The following CSMD1 variants were observed in gnomAD, a reference collection of about 807,000 sequenced individuals.
The protein encoded by CSMD1 is CUB and Sushi multiple domains 1.
Under a neutral mutation model 417.5 loss-of-function variants are expected in CSMD1, and 213 were observed. That is an observed-to-expected ratio of 0.51 (90% confidence interval 0.46 to 0.57). The LOEUF (loss-of-function observed/expected upper bound fraction) is 0.57. CSMD1 is among the 20% of genes least tolerant of loss of function. CSMD1 has a pLI of 0.00. For synonymous variants in CSMD1, 2,862 were observed against 1,736.8 expected, an observed-to-expected ratio of 1.65 and a Z score of -16.11; for missense variants, 6,923 against 4,529.7, an observed-to-expected ratio of 1.53 and a Z score of -15.17.
intron 10 of CSMD1, among the ~76,000 whole-genome samples, chr8:3,566,472 C>G (rs1475819210): frequency 6.6e-6 from 1 of 152,108 alleles, no homozygotes; most frequent in Non-Finnish European, 1.5e-5. Flanking sequence ...CCTGCACCTC[C>G]ACCAGCCCCT....
At chr8:4,138,041 C>A in intron 3 of CSMD1, among the ~76,000 whole-genome samples, 1 of 124,608 alleles carries the variant, frequency 8.0e-6, no homozygotes, top group African/African-American at 3.1e-5. Context: ...CCATGCCCGG[C>A]TAATTTTTTT....
At position 3,510,830 on chromosome 8, in the gene CSMD1, T is replaced by A. The variant is rs181061404; in HGVS notation, c.1345-17104A>T. On this transcript the variant is annotated intron_variant, in intron 10 of 69. Coordinates refer to ENST00000635120, the MANE Select transcript of CSMD1 (RefSeq NM_033225.6). ...TTCTTTTGAGAAGTATCTGTTCATATCCTTCCCCCACTTTTTGATGGGGTT... is the reference window on the plus strand; with the variant it reads ...TTCTTTTGAGAAGTATCTGTTCATAACCTTCCCCCACTTTTTGATGGGGTT... Among the ~76,000 whole-genome samples the A allele has an allele frequency of 3.7e-4, 56 of 152,002 alleles. No individual in the cohort carries two copies. The East Asian group carries it at 9.3e-3, about 25-fold the overall frequency.
intron 2 of CSMD1, among the ~76,000 whole-genome samples, chr8:4,594,506 G>A (rs932293946): frequency 6.6e-6 from 1 of 152,000 alleles, no homozygotes; most frequent in Non-Finnish European, 1.5e-5. Context: ...ACCCTGAAAT[G>A]ATCTGTTTCT....
intron 3 of CSMD1, among the ~76,000 whole-genome samples, chr8:4,284,314 G>C (rs983284015): frequency 2.6e-5 from 4 of 152,022 alleles, no homozygotes; most frequent in African/African-American, 9.7e-5. Flanking sequence ...GTTGCCGTGA[G>C]CCGAGATCCT....
chr8:3,756,123 G>A (rs768104553), intron 5 of CSMD1, among the ~76,000 whole-genome samples: 9 of 151,984 alleles, frequency 5.9e-5, no homozygotes, highest in South Asian at 2.1e-4. Context: ...TTGGGAGGCC[G>A]AGGCAGGTGG....
intron 42 of CSMD1, among the ~76,000 whole-genome samples, chr8:3,115,897 G>C (rs369725499): frequency 6.6e-6 from 1 of 152,122 alleles, no homozygotes; most frequent in African/African-American, 2.4e-5. Context: ...CTGGACCTTT[G>C]AAGATGGTTT....
At chr8:4,209,790 C>T (rs1028552696) in intron 3 of CSMD1, among the ~76,000 whole-genome samples, 14 of 152,088 alleles carry the variant, frequency 9.2e-5, no homozygotes, top group African/African-American at 3.1e-4. Context: ...AGTGGCAGCT[C>T]AGAGGCTGTT....
chr8:3,574,363 C>A (rs538994242), intron 10 of CSMD1, among the ~76,000 whole-genome samples: 2 of 152,286 alleles, frequency 1.3e-5, no homozygotes, highest in Admixed American at 6.5e-5. Context: ...GCCTCAGCCT[C>A]TCGAATAGCT....
At chr8:3,764,185 C>A (rs1798149432) in intron 5 of CSMD1, among the ~76,000 whole-genome samples, 1 of 152,156 alleles carries the variant, frequency 6.6e-6, no homozygotes, top group Non-Finnish European at 1.5e-5. Context: ...TTTAGATTTG[C>A]ACCGTACGCA....
chr8:3,128,964 T>C (rs1817652648), intron 41 of CSMD1: 1 of 421,934 alleles, frequency 2.4e-6, no homozygotes, highest in South Asian at 1.7e-5. Context: ...AAAAGCTGCG[T>C]GACAAACAAT....
chr8:3,837,441 A>G (rs1367336112), intron 5 of CSMD1, among the ~76,000 whole-genome samples: 1 of 152,160 alleles, frequency 6.6e-6, no homozygotes, highest in Non-Finnish European at 1.5e-5. Context: ...TATGACAGGC[A>G]TTTATAAGAG....
At chr8:4,602,501 G>A (rs563719376) in intron 2 of CSMD1, among the ~76,000 whole-genome samples, 12 of 152,214 alleles carry the variant, frequency 7.9e-5, no homozygotes, top group African/African-American at 1.9e-4. Context: ...TCTCAGGTAC[G>A]CATACAATAA....
intron 50 of CSMD1, among the ~76,000 whole-genome samples, chr8:3,046,707 C>T (rs1162420583): frequency 6.6e-6 from 1 of 152,162 alleles, no homozygotes; most frequent in African/African-American, 2.4e-5. Context: ...CATTTCCAGG[C>T]AGCCTTCCCC....
chr8:4,837,287 A>C (rs1800550816), intron 1 of CSMD1, among the ~76,000 whole-genome samples: 1 of 152,222 alleles, frequency 6.6e-6, no homozygotes, highest in Non-Finnish European at 1.5e-5. Flanking sequence ...TCAAGAGATA[A>C]TCTGCACTTC....
chr8:4,780,988 G>T (rs1382616226), intron 1 of CSMD1, among the ~76,000 whole-genome samples: 3 of 152,088 alleles, frequency 2.0e-5, no homozygotes, highest in Non-Finnish European at 4.4e-5. Context: ...TCAATCAAAG[G>T]TCAGTGTCTT....
intron 2 of CSMD1, among the ~76,000 whole-genome samples, chr8:4,625,025 G>A (rs532811354): frequency 6.6e-6 from 1 of 152,226 alleles, no homozygotes; most frequent in South Asian, 2.1e-4. Flanking sequence ...TTATACCATA[G>A]AGATCATGAG....
chr8:3,745,307 G>T (rs781475706), intron 6 of CSMD1, among the ~76,000 whole-genome samples: 4 of 152,174 alleles, frequency 2.6e-5, no homozygotes, highest in South Asian at 2.1e-4. Context: ...ATGATGGTCA[G>T]CTCTGCAAGA....
intron 51 of CSMD1, among the ~76,000 whole-genome samples, chr8:3,020,501 T>A (rs2128970183): frequency 6.6e-6 from 1 of 152,206 alleles, no homozygotes; most frequent in Non-Finnish European, 1.5e-5. Context: ...CCCAAGTACC[T>A]TAGTGCATGG....
At chr8:3,619,030 C>T (rs531079341) in intron 7 of CSMD1, among the ~76,000 whole-genome samples, 12 of 152,130 alleles carry the variant, frequency 7.9e-5, no homozygotes, top group South Asian at 2.1e-4. Context: ...GTGACAAGCA[C>T]TGCTGTATAG....
Sources: gnomAD v4.1 joint callset for allele counts (sites outside exome capture counted in the v4.1 genomes callset) on GRCh38, gnomAD v4.1.1 for gene constraint, MANE v1.5 for transcripts, NCBI Gene and HGNC (gene_info 2026-07-23, HGNC 2026-07-21) for gene names.